Variants in TENM2 observed in about 807,000 individuals in gnomAD.
The protein encoded by TENM2 is teneurin-2.
TENM2 carries 52 observed loss-of-function variants against 245.2 expected under a neutral mutation model. The ratio of observed to expected loss-of-function variants is 0.21; its 90% confidence interval spans 0.17 to 0.27. The LOEUF (loss-of-function observed/expected upper bound fraction) is 0.27, where lower values mean the gene tolerates loss of function less well. Among genes scored for constraint, TENM2 ranks in the 10% least tolerant of loss-of-function variants. TENM2 has a pLI of 1.00. For synonymous variants in TENM2, 1,363 were observed against 1,438.9 expected (o/e 0.95, Z 1.19); for missense variants, 3,046 against 3,666.8 (o/e 0.83, Z 4.37).
chr5:167,742,063 T>A (rs10072896), intron 2 of TENM2, among the ~76,000 whole-genome samples: 1 of 152,080 alleles, frequency 6.6e-6, no homozygotes, highest in East Asian at 1.9e-4. Context: ...CCAAAAGAAA[T>A]ATCCTAAGTG....
chr5:167,928,806 GA>G (rs1777962768), intron 3 of TENM2, among the ~76,000 whole-genome samples: 1 of 141,784 alleles, frequency 7.1e-6, no homozygotes. Flanking sequence ...TGAGGCACAA[GA>G]ATCACTTGAA....
Position 168,029,054 on chromosome 5 carries a change from G to A in TENM2, c.1187-18373G>A, listed in dbSNP as rs190873608. The stretch of plus-strand genomic sequence containing the variant: ...AACAGAAACTTATTTCTTGGGTCTG[G>A]AGGCTGGGAAGTCCAAGATCAAGGC... On this transcript the variant is annotated intron_variant, in intron 5 of 28. Transcript: ENST00000518659. Among the ~76,000 whole-genome samples the A allele has an allele frequency of 1.0e-3, 154 of 152,272 alleles. 1 individual carries two copies. The highest frequency in any genetic ancestry group is 3.6e-3 in the African/African-American group (149 of 41,562).
the TENM2 span, among the ~76,000 whole-genome samples, chr5:167,083,059 CA>C: frequency 6.6e-6 from 1 of 151,288 alleles, no homozygotes; most frequent in South Asian, 2.1e-4. Context: ...CACTGTGACC[CA>C]AAAGAAAGAT....
At chr5:167,054,323 A>G in the TENM2 span, among the ~76,000 whole-genome samples, 1 of 152,200 alleles carries the variant, frequency 6.6e-6, no homozygotes, top group South Asian at 2.1e-4. Context: ...TTCACTTAGT[A>G]ACATGCATTT....
intron 2 of TENM2, among the ~76,000 whole-genome samples, chr5:167,728,028 G>A (rs1321962050): frequency 6.6e-6 from 1 of 152,134 alleles, no homozygotes; most frequent in Non-Finnish European, 1.5e-5. Flanking sequence ...CTGGCCCCAA[G>A]TAACATGCCA....
chr5:166,989,964 A>C, the TENM2 span, among the ~76,000 whole-genome samples: 1 of 151,666 alleles, frequency 6.6e-6, no homozygotes, highest in Non-Finnish European at 1.5e-5. Context: ...ATCTACTTGA[A>C]CTCTGCTCAT....
chr5:168,189,702 A>G (rs1182027285), intron 13 of TENM2, among the ~76,000 whole-genome samples: 1 of 152,194 alleles, frequency 6.6e-6, no homozygotes, highest in African/African-American at 2.4e-5. Context: ...AGAGAGTGGG[A>G]TAGAATACTT....
chr5:167,024,991 C>A, the TENM2 span, among the ~76,000 whole-genome samples: 2 of 152,090 alleles, frequency 1.3e-5, no homozygotes, highest in African/African-American at 4.8e-5. Context: ...GTGCTCAAGT[C>A]CCACCCCCAA....
chr5:167,067,520 A>T, the TENM2 span, among the ~76,000 whole-genome samples: 1 of 152,300 alleles, frequency 6.6e-6, no homozygotes, highest in East Asian at 1.9e-4. Flanking sequence ...TGTCTTAAAG[A>T]GTGGAAACTC....
intron 13 of TENM2, among the ~76,000 whole-genome samples, chr5:168,164,928 A>T (rs1758081931): frequency 6.6e-6 from 1 of 152,206 alleles, no homozygotes; most frequent in Admixed American, 6.5e-5. Flanking sequence ...TGGCCCCAAC[A>T]GGTCCTTTCA....
At chr5:167,795,129 G>T (rs1391486032) in intron 2 of TENM2, among the ~76,000 whole-genome samples, 2 of 152,162 alleles carry the variant, frequency 1.3e-5, no homozygotes, top group Non-Finnish European at 2.9e-5. Context: ...TTGAGGGAAG[G>T]ATTGGTGTCA....
intron 6 of TENM2, among the ~76,000 whole-genome samples, chr5:168,048,076 G>C (rs940878694): frequency 6.6e-6 from 1 of 152,216 alleles, no homozygotes; most frequent in African/African-American, 2.4e-5. Context: ...ATAGAAAGGA[G>C]TTTTGACAAC....
chr5:167,822,623 G>A (rs1767624141), intron 2 of TENM2, among the ~76,000 whole-genome samples: 1 of 152,284 alleles, frequency 6.6e-6, no homozygotes, highest in Middle Eastern at 3.4e-3. Flanking sequence ...TCTTTCTACA[G>A]AATTCACATG....
chr5:167,130,912 T>TTA, the TENM2 span, among the ~76,000 whole-genome samples: 18 of 118,360 alleles, frequency 1.5e-4, no homozygotes, highest in African/African-American at 2.8e-4. Flanking sequence ...TTTTTTTTTT[T>TTA]AAAAAAAAAA....
intron 2 of TENM2, among the ~76,000 whole-genome samples, chr5:167,549,830 G>A (rs189802097): frequency 4.0e-5 from 6 of 151,860 alleles, no homozygotes; most frequent in Admixed American, 1.3e-4. Context: ...GCTGACTTTC[G>A]TTCCATTATA....
At chr5:167,717,468 G>A (rs545545566) in intron 2 of TENM2, among the ~76,000 whole-genome samples, 39 of 152,220 alleles carry the variant, frequency 2.6e-4, no homozygotes, top group East Asian at 5.8e-4. Flanking sequence ...TGAAAGATTC[G>A]ATGGACATAG....
At chr5:167,215,757 A>G in the TENM2 span, among the ~76,000 whole-genome samples, 1 of 152,226 alleles carries the variant, frequency 6.6e-6, no homozygotes, top group Non-Finnish European at 1.5e-5. Flanking sequence ...AGATAAGCTA[A>G]TATTTTCAGT....
intron 3 of TENM2, among the ~76,000 whole-genome samples, chr5:167,934,192 G>T (rs1304973475): frequency 6.6e-6 from 1 of 152,172 alleles, no homozygotes; most frequent in Non-Finnish European, 1.5e-5. Flanking sequence ...TTGTAGAAGA[G>T]TAAAACCTGC....
At chr5:167,242,046 G>GTTTTTTTTTTTTTT in the TENM2 span, among the ~76,000 whole-genome samples, 1 of 131,500 alleles carries the variant, frequency 7.6e-6, no homozygotes, top group African/African-American at 2.8e-5. Flanking sequence ...TTTGTTTTTT[G>GTTTTTTTTTTTTTT]TTTTTTTTTT....
Sources: gnomAD v4.1 joint callset for allele counts (sites outside exome capture counted in the v4.1 genomes callset) on GRCh38, gnomAD v4.1.1 for gene constraint, MANE v1.5 for transcripts, NCBI Gene and HGNC (gene_info 2026-07-23, HGNC 2026-07-21) for gene names.